The following ZC3H3 variants were observed in gnomAD, a reference collection of about 807,000 sequenced individuals.
The protein encoded by ZC3H3 is zinc finger CCCH-type containing 3, also known as zinc finger CCCH domain-containing protein 3.
A neutral mutation model predicts 77.3 loss-of-function variants in ZC3H3; 36 were observed. The observed-to-expected ratio is 0.47, with a 90% CI of 0.36 to 0.61. The LOEUF (loss-of-function observed/expected upper bound fraction) is 0.61. Among genes scored for constraint, ZC3H3 ranks in the 20% least tolerant of loss-of-function variants. The pLI, the probability that ZC3H3 is intolerant of heterozygous loss-of-function variation, is 0.00. For missense variants in ZC3H3, 1,331 were observed against 1,312.2 expected, an observed-to-expected ratio of 1.01 and a Z score of -0.22; for synonymous variants, 626 against 555.2, an observed-to-expected ratio of 1.13 and a Z score of -1.79.
At position 143,475,427 on chromosome 8, in the gene ZC3H3, T is replaced by A. The variant is rs755094519; in HGVS notation, c.1874A>T (p.Asp625Val). 6.2e-7 allele frequency: 1 copy of A among 1,613,006 alleles called. No homozygotes were observed. The highest frequency in any genetic ancestry group is 1.3e-5 in the African/African-American group (1 of 75,040). Residue 625 changes from aspartate to valine, a missense_variant, in exon 5 of 12, where the codon GAT becomes GTT. Transcript: ENST00000262577. ...KLSKTSGQPS[D>V]AGSRPLLRTG... ...GCGCAGGAGGGGCCTGCTGCCCGCA[T>A]CACTGGGCTGGCCGGAGGTCTTGGA...
chr8:143,449,495 G>C (rs2059973371), intron 9 of ZC3H3, among the ~76,000 whole-genome samples: 1 of 152,176 alleles, frequency 6.6e-6, no homozygotes, highest in African/African-American at 2.4e-5. Context: ...GCCAAAACGG[G>C]TGGCTCACCT....
At position 143,494,835 on chromosome 8, in the gene ZC3H3, C is replaced by T. The variant is rs547645915; in HGVS notation, c.1715+12911G>A. Among the ~76,000 whole-genome samples, 19 of 152,326 alleles carry T rather than the reference C, an allele frequency of 1.2e-4. No individual in the cohort carries two copies. The highest frequency in any genetic ancestry group is 3.6e-4 in the African/African-American group (15 of 41,574). On this transcript the variant is annotated intron_variant, in intron 4 of 11. Transcript: ENST00000262577. The surrounding 1 kb of genome is among the most constrained non-coding windows in gnomAD (Gnocchi z 5.3). ...AGAATACCGGCCACCAACGGGCAAA[C>T]GGCCTGAGCAGACCTTTCACACGGG...
chr8:143,504,290 C>G (rs941490225), intron 4 of ZC3H3, among the ~76,000 whole-genome samples: 1 of 152,150 alleles, frequency 6.6e-6, no homozygotes, highest in East Asian at 1.9e-4. Flanking sequence ...GCGGTGCAGT[C>G]CCCGCCATGA....
intron 4 of ZC3H3, chr8:143,484,385 A>T (rs1226218424): frequency 6.6e-6 from 1 of 152,388 alleles, no homozygotes; most frequent in East Asian, 1.9e-4. Flanking sequence ...AGGGGCTGGG[A>T]CTATTTTATG....
Position 143,494,142 on chromosome 8 carries a change from G to C in ZC3H3, c.1715+13604C>G, listed in dbSNP as rs1821281465. ...ATCCCCACAGGCCTCCCCAGGGCCAGGATGGGCCCCAAGACCCCACAGGCT... is the reference window on the plus strand; with the variant it reads ...ATCCCCACAGGCCTCCCCAGGGCCACGATGGGCCCCAAGACCCCACAGGCT... On this transcript the variant is annotated intron_variant, in intron 4 of 11. Coordinates refer to ENST00000262577, the MANE Select transcript of ZC3H3 (RefSeq NM_015117.3). This position sits in a 1 kb window ranked among gnomAD's most constrained non-coding sequence, Gnocchi z 5.3. Among the ~76,000 whole-genome samples, 1 of 152,192 alleles carries C rather than the reference G, an allele frequency of 6.6e-6. No individual in the cohort carries two copies. Among genetic ancestry groups the C allele is most frequent in the Admixed American group, 6.5e-5 (1 of 15,282 alleles).
At chr8:143,466,520 A>G (rs940310384) in intron 8 of ZC3H3, among the ~76,000 whole-genome samples, 2 of 152,168 alleles carry the variant, frequency 1.3e-5, no homozygotes, top group African/African-American at 4.8e-5. Flanking sequence ...AAAAAATGTA[A>G]CTTTCCTCCC....
rs80172498 is a variant in ZC3H3 at position 143,483,157 on chromosome 8, C to T, written c.1716-7572G>A. 4.7e-4 allele frequency among the ~76,000 whole-genome samples: 72 copies of T among 152,332 alleles called. No homozygotes were observed. In the East Asian group the frequency reaches 0.011, roughly 24 times the overall value. ...AAGAGGAGCGGCCGGGGGGAGGCGG[C>T]GCCGCAGCGAATCCCCAAGTAGGTC... is the stretch of plus-strand genomic sequence containing the variant. On this transcript the variant is annotated intron_variant, in intron 4 of 11. Transcript: ENST00000262577.
chr8:143,520,106 A>G (rs1450879629), intron 3 of ZC3H3, among the ~76,000 whole-genome samples: 1 of 152,188 alleles, frequency 6.6e-6, no homozygotes, highest in Non-Finnish European at 1.5e-5. Context: ...AGAAGGCAGG[A>G]GCGGTGGGGG....
intron 5 of ZC3H3, 63 bp downstream of exon 5, chr8:143,475,335 C>A (rs1820701854): frequency 3.2e-6 from 5 of 1,543,946 alleles, no homozygotes; most frequent in African/African-American, 1.4e-5. Flanking sequence ...GTCTGGCCTG[C>A]AATGCCCACC....
chr8:143,497,769 A>G (rs1456363372), intron 4 of ZC3H3, among the ~76,000 whole-genome samples: 1 of 152,202 alleles, frequency 6.6e-6, no homozygotes, highest in Non-Finnish European at 1.5e-5. Flanking sequence ...GGCCAAGTCC[A>G]GGTCCCCTCA....
intron 5 of ZC3H3, among the ~76,000 whole-genome samples, chr8:143,474,449 C>T (rs1305234062): frequency 2.0e-5 from 3 of 152,222 alleles, no homozygotes; most frequent in South Asian, 2.1e-4. Flanking sequence ...GTGCCAGGGC[C>T]CCCGTGCTGC....
intron 9 of ZC3H3, among the ~76,000 whole-genome samples, chr8:143,455,187 G>A (rs1000017760): frequency 4.6e-5 from 7 of 152,050 alleles, no homozygotes; most frequent in African/African-American, 1.7e-4. Context: ...GGTGGCGGGG[G>A]CCTGTAATCC....
intron 4 of ZC3H3, among the ~76,000 whole-genome samples, chr8:143,495,230 G>A (rs1387468852): frequency 6.6e-6 from 1 of 152,230 alleles, no homozygotes. Context: ...GGCAAGGATG[G>A]GAAATGCACT....
rs976231151 is a variant in ZC3H3, at chr8:143,479,415, C to T, written c.1716-3830G>A. On this transcript the variant is annotated intron_variant, in intron 4 of 11. Transcript: ENST00000262577. ...AGCAGGGCCAAGGACCCGGAGCGCG[C>T]GTCTGCCCTCACGGAAGGCTCTGTA... Among the ~76,000 whole-genome samples the T allele has an allele frequency of 4.6e-5, 7 of 152,192 alleles. No homozygotes were observed. In the South Asian group the frequency reaches 1.2e-3, roughly 27 times the overall value.
At chr8:143,529,607 G>C (rs1287042988) in intron 3 of ZC3H3, among the ~76,000 whole-genome samples, 1 of 152,204 alleles carries the variant, frequency 6.6e-6, no homozygotes, top group Non-Finnish European at 1.5e-5. Flanking sequence ...GTCGGGGGGA[G>C]ACCCCACACA....
intron 3 of ZC3H3, among the ~76,000 whole-genome samples, chr8:143,531,536 C>T (rs1248511389): frequency 1.3e-5 from 2 of 152,212 alleles, no homozygotes; most frequent in South Asian, 2.1e-4. Context: ...GAACAATGCA[C>T]TTTTGAATTC....
At chr8:143,468,831 G>A (rs1306144376) in intron 5 of ZC3H3, among the ~76,000 whole-genome samples, 172 bp from the exon 6 acceptor site, 1 of 152,200 alleles carries the variant, frequency 6.6e-6, no homozygotes, top group Non-Finnish European at 1.5e-5. Flanking sequence ...CAGATGCCCT[G>A]GGCCCTGCCA....
chr8:143,530,034 G>A lies in ZC3H3; in HGVS notation c.1561+6223C>T, dbSNP rs571693232. ...CAGCAGTTCCTCCACACCCAGGGGC[G>A]GGCACGGCAGACTGAGGGACGGGTA... On this transcript the variant is annotated intron_variant, in intron 3 of 11. Coordinates refer to ENST00000262577, the MANE Select transcript of ZC3H3 (RefSeq NM_015117.3). The surrounding 1 kb of genome is among the most constrained non-coding windows in gnomAD (Gnocchi z 4.3). Among the ~76,000 whole-genome samples, 10 of 152,170 alleles carry A rather than the reference G, an allele frequency of 6.6e-5. No homozygotes were observed. The highest frequency in any genetic ancestry group is 2.4e-4 in the African/African-American group (10 of 41,438).
intron 1 of ZC3H3, among the ~76,000 whole-genome samples, chr8:143,540,605 A>G (rs186837679): frequency 2.7e-4 from 41 of 152,220 alleles, no homozygotes; most frequent in Admixed American, 7.8e-4. Context: ...AAGCCTGTTC[A>G]GTCTGCGCCT....
Sources: allele counts gnomAD v4.1 joint callset (sites outside exome capture counted in the v4.1 genomes callset), GRCh38; gene constraint gnomAD v4.1.1; non-coding constraint Gnocchi (gnomAD v3.1); transcripts MANE v1.5; gene names NCBI Gene and HGNC (gene_info 2026-07-23, HGNC 2026-07-21).